The following CTU2 variants were observed in gnomAD, a reference collection of about 807,000 sequenced individuals.
CTU2 encodes cytoplasmic tRNA 2-thiolation protein 2.
A neutral mutation model predicts 64.1 loss-of-function variants in CTU2; 80 were observed. That is an observed-to-expected ratio of 1.25 (90% CI 1.04 to 1.50). The LOEUF is 1.50. Ranked by LOEUF, CTU2 falls within the 40% of genes most tolerant of loss-of-function variation. The pLI is 0.00. For missense variants in CTU2, 1,110 were observed against 690.2 expected (o/e 1.61, Z -6.81); for synonymous variants, 482 against 285.3 (o/e 1.69, Z -6.95).
At chr16:88,712,435 C>A (rs943689831) in intron 6 of CTU2, 52 bp downstream of exon 6, 1 of 1,495,830 alleles carries the variant, frequency 6.7e-7, no homozygotes, top group South Asian at 1.3e-5. Context: ...CTGGGGGGCA[C>A]CTGCCCGTGT....
chr16:88,715,292 C>T lies in CTU2; in HGVS notation c.*41C>T, dbSNP rs1452472669. The T allele has an allele frequency of 1.3e-6, 2 of 1,596,252 alleles. No homozygotes were observed. Among genetic ancestry groups the T allele is most frequent in the African/African-American group, 2.7e-5 (2 of 74,680 alleles). Reference sequence around the variant, plus strand: ...TGCCGGGACAGCAGGCAGTGGCCACCTGGTACACCACACTGGAGCCGGAAG... The same window carrying T: ...TGCCGGGACAGCAGGCAGTGGCCACTTGGTACACCACACTGGAGCCGGAAG... On this transcript the variant is annotated 3_prime_UTR_variant, in exon 15 of 15. Transcript: ENST00000453996.
chr16:88,715,211 GTC>G lies in CTU2; in HGVS notation c.1510_1511del (p.Leu504AspfsTer2), dbSNP rs758145418. The G allele has an allele frequency of 2.4e-5, 39 of 1,612,350 alleles. 1 individual carries two copies. In the South Asian group the frequency reaches 4.0e-4, roughly 16 times the overall value. On this transcript the variant is annotated frameshift_variant, in exon 15 of 15. Transcript: ENST00000453996. LOFTEE classifies it low-confidence loss of function (END_TRUNC). The stretch of plus-strand genomic sequence containing the variant: ...TGGGGCTTGCAGGAGATCCGGGACT[GTC>G]TGATTGAGGACAGTGACGACGAGGC...
At position 88,711,664 on chromosome 16, in the gene CTU2, G is replaced by A; in HGVS notation, c.312G>A (p.Leu104=). ...EGLSQDSAKR[L]RFVAGVIFVD... ...TGAGCCAAGATTCTGCCAAAAGACT[G>A]CGCTTTGTGGCAGGAGTCATCTTTG... The change falls in exon 5 of 15, where the codon CTG becomes CTA. Residue 104 remains leucine, a synonymous_variant. Transcript: ENST00000453996. 2 of 1,608,550 alleles carry A rather than the reference G, an allele frequency of 1.2e-6. No individual in the cohort carries two copies. The highest frequency in any genetic ancestry group is 1.7e-6 in the Non-Finnish European group (2 of 1,176,596).
chr16:88,712,459 G>A lies in CTU2; in HGVS notation c.453+76G>A, dbSNP rs996408455. On this transcript the variant is annotated intron_variant, in intron 6 of 14. Coordinates refer to ENST00000453996, the MANE Select transcript of CTU2 (RefSeq NM_001012759.3). ...ACCTGCCCGTGTCCCAGCCTCACTG[G>A]CCTCTCCCTCATCCCAGAAGGCGGG... 25 of 1,456,572 alleles carry A rather than the reference G, an allele frequency of 1.7e-5. No homozygotes were observed. In the African/African-American group the frequency reaches 2.9e-4, roughly 17 times the overall value. 90.2% of individuals were successfully genotyped at this position (1,456,572 alleles called of 1,614,324 possible). A position where few individuals can be genotyped will look rare whatever the true frequency, so the allele number is the denominator to read the frequency against.
At position 88,714,994 on chromosome 16, in the gene CTU2, C is replaced by T. The variant is rs999336828; in HGVS notation, c.1420-54C>T. The T allele has an allele frequency of 2.5e-6, 4 of 1,596,536 alleles. No individual in the cohort carries two copies. In the African/African-American group the frequency reaches 5.4e-5, roughly 21 times the overall value. The stretch of plus-strand genomic sequence containing the variant: ...GGGAAGGCCGTCACCTCGTGGGTGG[C>T]TTGAGGGGGTGCTGGCAGGTTTCTT... On this transcript the variant is annotated intron_variant, in intron 13 of 14. Transcript: ENST00000453996.
At position 88,714,671 on chromosome 16, in the gene CTU2, C is replaced by G. The variant is rs368491387; in HGVS notation, c.1286C>G (p.Pro429Arg). 6.2e-7 allele frequency: 1 copy of G among 1,612,464 alleles called. No individual in the cohort carries two copies. The highest frequency in any genetic ancestry group is 1.7e-5 in the Admixed American group (1 of 59,984). ...SPIPLTETRT[P>R]PGPCCSPGVG... ...ATCCCCCTGACTGAGACCCGGACAC[C>G]CCCGGGGCCCTGCTGTTCTCCAGGG... is the stretch of plus-strand genomic sequence containing the variant. The change falls in exon 12 of 15, where the codon CCC becomes CGC. Residue 429 changes from proline (P) to arginine (R), a missense_variant. By Grantham distance (103) the Pro-to-Arg change is moderately radical. Coordinates refer to ENST00000453996, the MANE Select transcript of CTU2 (RefSeq NM_001012759.3).
chr16:88,708,489 A>T (rs1176010356), intron 2 of CTU2, among the ~76,000 whole-genome samples: 1 of 152,038 alleles, frequency 6.6e-6, no homozygotes, highest in Non-Finnish European at 1.5e-5. Context: ...CACAGTGCGG[A>T]GGTGAAGCCC....
chr16:88,707,148 G>A lies in CTU2; in HGVS notation c.81G>A (p.Lys27=). 1 of 1,613,936 alleles carries A rather than the reference G, an allele frequency of 6.2e-7. No homozygotes were observed. Among genetic ancestry groups the A allele is most frequent in the African/African-American group, 1.3e-5 (1 of 75,056 alleles). Residue 27 remains lysine (K), a synonymous_variant, in exon 2 of 15, where the codon AAG becomes AAA. Transcript: ENST00000453996. ...PPAPRPSREQ[K]CVKCKEAQPV... Reference sequence around the variant, plus strand: ...CCCATCTCCAAAGCCGTGAGCAGAAGTGTGTGAAGTGCAAGGAAGCGCAGC... The same window carrying A: ...CCCATCTCCAAAGCCGTGAGCAGAAATGTGTGAAGTGCAAGGAAGCGCAGC...
chr16:88,710,117 C>T lies in CTU2; in HGVS notation c.222+101C>T, dbSNP rs960760858. 17 of 1,574,850 alleles carry T rather than the reference C, an allele frequency of 1.1e-5. No homozygotes were observed. In the Admixed American group the frequency reaches 1.8e-4, roughly 17 times the overall value. The stretch of plus-strand genomic sequence containing the variant: ...CCTGGCCTGCTGCAGCCCGCCAGCT[C>T]CTCCTTGGCCTTTGAGGACAGACTC... On this transcript the variant is annotated intron_variant, in intron 3 of 14. Coordinates refer to ENST00000453996, the MANE Select transcript of CTU2 (RefSeq NM_001012759.3).
At chr16:88,713,518 T>C (rs1033831139) in intron 8 of CTU2, 71 bp downstream of exon 8, 2 of 1,527,238 alleles carry the variant, frequency 1.3e-6, no homozygotes, top group Non-Finnish European at 8.8e-7. Flanking sequence ...TACTGGAGAG[T>C]AGCCTCTCGC....
At position 88,714,694 on chromosome 16, in the gene CTU2, G is replaced by T; in HGVS notation, c.1309G>T (p.Gly437Trp). Reference protein sequence around the residue: ...RTPPGPCCSPGVGWAQRCGQG... With the variant: ...RTPPGPCCSPWVGWAQRCGQG... ...ACCCCCGGGGCCCTGCTGTTCTCCA[G>T]GGGTGGGCTGGGCCCAGCGCTGTGG... The change falls in exon 12 of 15, where the codon GGG (glycine) becomes TGG (tryptophan). Residue 437 changes from glycine (G) to tryptophan (W), a missense_variant. By Grantham distance (184) the Gly-to-Trp change is radical. Transcript: ENST00000453996. The T allele has an allele frequency of 1.2e-6, 2 of 1,611,670 alleles. No homozygotes were observed. Among genetic ancestry groups the T allele is most frequent in the Non-Finnish European group, 1.7e-6 (2 of 1,179,456 alleles).
rs201788825 is a variant in CTU2, at chr16:88,714,866, C to T, written c.1359C>T (p.Asp453=). ...RCGQGACRRE[D]PQACIEEQLC... ...GCCAGCTCTGCTCCCGCAGGGAGGA[C>T]CCCCAAGCCTGCATTGAGGAGCAGC... Residue 453 remains aspartate, a synonymous_variant, in exon 13 of 15, where the codon GAC becomes GAT. Transcript: ENST00000453996. The T allele has an allele frequency of 5.0e-6, 8 of 1,612,460 alleles. No individual in the cohort carries two copies. The highest frequency in any genetic ancestry group is 3.3e-5 in the Admixed American group (2 of 59,998).
At position 88,714,491 on chromosome 16, in the gene CTU2, G is replaced by C; in HGVS notation, c.1201+5G>C. The stretch of plus-strand genomic sequence containing the variant: ...CCCTGGACGTCGACGCCGCTGGTCT[G>C]TGTTTCATGCTCTTGGGGTGATGCG... On this transcript the variant is annotated splice_donor_5th_base_variant and intron_variant, in intron 11 of 14. Coordinates refer to ENST00000453996, the MANE Select transcript of CTU2 (RefSeq NM_001012759.3). 1 of 1,612,262 alleles carries C rather than the reference G, an allele frequency of 6.2e-7. No homozygotes were observed. The highest frequency in any genetic ancestry group is 1.1e-5 in the South Asian group (1 of 91,076).
intron 5 of CTU2, 65 bp downstream of exon 5, chr16:88,711,760 C>G (rs1228115503): frequency 1.0e-5 from 15 of 1,444,918 alleles, no homozygotes; most frequent in Non-Finnish European, 1.3e-5. Flanking sequence ...GATCCTCCCT[C>G]TGGTGTGGAC....
At position 88,715,233 on chromosome 16, in the gene CTU2, C is replaced by T. The variant is rs202052694; in HGVS notation, c.1530C>T (p.Asp510=). The T allele has an allele frequency of 4.4e-5, 71 of 1,612,044 alleles. No homozygotes were observed. Among genetic ancestry groups the T allele is most frequent in the Admixed American group, 3.5e-4 (21 of 59,998 alleles). The change falls in exon 15 of 15, where the codon GAC becomes GAT. Residue 510 remains aspartate (D), a synonymous_variant. Coordinates refer to ENST00000453996, the MANE Select transcript of CTU2 (RefSeq NM_001012759.3). ...ACTGTCTGATTGAGGACAGTGACGACGAGGCGGGCCAGAGCTGAGCGTGAG... is the reference window on the plus strand; with the variant it reads ...ACTGTCTGATTGAGGACAGTGACGATGAGGCGGGCCAGAGCTGAGCGTGAG... ...IRDCLIEDSD[D]EAGQS is the part of the protein sequence containing the mutation.
chr16:88,711,456 C>T (rs956023287), intron 4 of CTU2, among the ~76,000 whole-genome samples, 179 bp from the exon 5 acceptor site: 5 of 152,192 alleles, frequency 3.3e-5, no homozygotes, highest in Admixed American at 6.5e-5. Context: ...CGTGCGGCCT[C>T]GCCTACTGGG....
chr16:88,707,789 G>A (rs921172578), intron 2 of CTU2, among the ~76,000 whole-genome samples: 1 of 122,172 alleles, frequency 8.2e-6, no homozygotes, highest in Non-Finnish European at 1.7e-5. Context: ...GTGGTGGTGC[G>A]TGGTTTTTTT....
At chr16:88,712,411 C>G in intron 6 of CTU2, 28 bp downstream of exon 6, 1 of 1,556,546 alleles carries the variant, frequency 6.4e-7, no homozygotes, top group Non-Finnish European at 8.7e-7. Flanking sequence ...GGAAAGGGGT[C>G]CCGGAGGTGA....
At chr16:88,709,732 C>T (rs1911165691) in intron 2 of CTU2, 5 of 588,202 alleles carry the variant, frequency 8.5e-6, no homozygotes, top group Admixed American at 3.0e-5. Context: ...TGGGAGGGGC[C>T]GGTGAGCCTC....
Sources: gnomAD v4.1 joint callset for allele counts (sites outside exome capture counted in the v4.1 genomes callset) on GRCh38, gnomAD v4.1.1 for gene constraint, MANE v1.5 for transcripts, NCBI Gene and HGNC (gene_info 2026-07-23, HGNC 2026-07-21) for gene names.